Variants in DIAPH3 observed in about 807,000 individuals in gnomAD.
DIAPH3 encodes the protein diaphanous related formin 3, also known as protein diaphanous homolog 3.
A neutral mutation model predicts 144.3 loss-of-function variants in DIAPH3; 117 were observed. The observed-to-expected ratio is 0.81, with a 90% CI of 0.70 to 0.95. The LOEUF (loss-of-function observed/expected upper bound fraction) is 0.95. Ranked by LOEUF, DIAPH3 falls within the 40% of genes least tolerant of loss-of-function variation. The pLI is 0.00. For missense variants in DIAPH3, 1,421 were observed against 1,412.7 expected, an observed-to-expected ratio of 1.01 and a Z score of -0.09; for synonymous variants, 519 against 488.9, an observed-to-expected ratio of 1.06 and a Z score of -0.81.
chr13:59,950,060 G>C (rs899239801), intron 17 of DIAPH3, among the ~76,000 whole-genome samples: 7 of 152,106 alleles, frequency 4.6e-5, no homozygotes, highest in African/African-American at 1.2e-4. Context: ...ACAGAGCTGT[G>C]TGATACTAAG....
intron 20 of DIAPH3, among the ~76,000 whole-genome samples, chr13:59,903,327 G>C (rs1028705858): frequency 5.3e-5 from 8 of 152,152 alleles, no homozygotes; most frequent in African/African-American, 1.9e-4. Context: ...TGTTGGTTTG[G>C]TGGAGATATC....
At chr13:59,866,457 C>CA (rs2043930303) in intron 21 of DIAPH3, among the ~76,000 whole-genome samples, 1 of 151,890 alleles carries the variant, frequency 6.6e-6, no homozygotes, top group Non-Finnish European at 1.5e-5. Context: ...AGTAAAACAA[C>CA]AAAAGAGCAC....
chr13:59,872,126 C>A (rs915236329), intron 21 of DIAPH3, among the ~76,000 whole-genome samples: 3 of 152,046 alleles, frequency 2.0e-5, no homozygotes, highest in African/African-American at 7.2e-5. Context: ...CTCCAGAGTC[C>A]ATTTGCTCTT....
chr13:60,012,538 G>A (rs926427215), intron 7 of DIAPH3, among the ~76,000 whole-genome samples: 1 of 152,196 alleles, frequency 6.6e-6, no homozygotes, highest in Admixed American at 6.5e-5. Flanking sequence ...AATTCAGAAA[G>A]TCAGTCAATG....
chr13:59,973,103 T>C (rs906231308), intron 15 of DIAPH3, among the ~76,000 whole-genome samples: 1 of 152,150 alleles, frequency 6.6e-6, no homozygotes, highest in African/African-American at 2.4e-5. Context: ...TGTATACAAT[T>C]TAAAACAATT....
intron 2 of DIAPH3, among the ~76,000 whole-genome samples, chr13:60,119,471 G>A (rs1441398232): frequency 6.6e-6 from 1 of 152,102 alleles, no homozygotes; most frequent in East Asian, 1.9e-4. Context: ...ATCTTGGCCG[G>A]GCGCGGTGGC....
intron 17 of DIAPH3, among the ~76,000 whole-genome samples, chr13:59,943,206 G>A (rs1282444528): frequency 3.9e-5 from 6 of 152,098 alleles, no homozygotes; most frequent in African/African-American, 9.7e-5. Flanking sequence ...TAATGTCAAC[G>A]AAGATCAGCA....
intron 18 of DIAPH3, among the ~76,000 whole-genome samples, chr13:59,923,600 C>A (rs771840675): frequency 2.6e-5 from 4 of 152,126 alleles, no homozygotes; most frequent in Non-Finnish European, 5.9e-5. Flanking sequence ...GGGGGAGCTT[C>A]TTCAACCACC....
intron 17 of DIAPH3, 27 bp from the exon 18 acceptor site, chr13:59,924,897 A>G (rs1267434001): frequency 6.3e-7 from 1 of 1,588,870 alleles, no homozygotes; most frequent in East Asian, 2.3e-5. Flanking sequence ...GATCCATGTT[A>G]GGGGCAGCAA....
intron 9 of DIAPH3, among the ~76,000 whole-genome samples, chr13:59,996,537 A>G (rs1169779216): frequency 2.0e-5 from 3 of 152,158 alleles, no homozygotes; most frequent in South Asian, 4.1e-4. Flanking sequence ...TTAGGGCAGC[A>G]GTAAACTAAA....
intron 1 of DIAPH3, among the ~76,000 whole-genome samples, chr13:60,138,589 T>C (rs2059348588): frequency 6.6e-6 from 1 of 152,206 alleles, no homozygotes; most frequent in Non-Finnish European, 1.5e-5. Context: ...GTATGATGAA[T>C]TACCAATTGC....
At chr13:60,014,466 G>T (rs886415848) in intron 7 of DIAPH3, among the ~76,000 whole-genome samples, 14 of 151,940 alleles carry the variant, frequency 9.2e-5, no homozygotes, top group African/African-American at 3.4e-4. Flanking sequence ...AGGAGGCAAG[G>T]AAGAAAAAAT....
chr13:59,708,474 T>C (rs1017070094), intron 27 of DIAPH3, among the ~76,000 whole-genome samples: 1 of 152,160 alleles, frequency 6.6e-6, no homozygotes, highest in African/African-American at 2.4e-5. Context: ...AATCCAATGG[T>C]CGTTTTACAA....
chr13:60,117,115 A>T (rs1252145547), intron 2 of DIAPH3, among the ~76,000 whole-genome samples: 1 of 152,088 alleles, frequency 6.6e-6, no homozygotes, highest in Admixed American at 6.5e-5. Context: ...TCAATAACAT[A>T]ATTTGTAAAA....
At chr13:59,896,182 A>T (rs991278114) in intron 20 of DIAPH3, among the ~76,000 whole-genome samples, 1 of 152,188 alleles carries the variant, frequency 6.6e-6, no homozygotes, top group African/African-American at 2.4e-5. Flanking sequence ...TCTATTCTAT[A>T]TGAGTTTCTG....
chr13:59,690,528 G>A (rs535936048), intron 27 of DIAPH3, among the ~76,000 whole-genome samples: 118 of 152,182 alleles, frequency 7.8e-4, no homozygotes, highest in Middle Eastern at 6.8e-3. Flanking sequence ...TAACAGTGTT[G>A]TTTTCTGCTA....
intron 22 of DIAPH3, among the ~76,000 whole-genome samples, chr13:59,860,112 A>G (rs1402550387): frequency 6.6e-6 from 1 of 152,180 alleles, no homozygotes; most frequent in Non-Finnish European, 1.5e-5. Flanking sequence ...ATCTCATCCA[A>G]TCACATGCTT....
chr13:60,121,781 A>T (rs987780448), intron 2 of DIAPH3, among the ~76,000 whole-genome samples: 1 of 152,192 alleles, frequency 6.6e-6, no homozygotes, highest in African/African-American at 2.4e-5. Context: ...TACTGATGAT[A>T]TGAATTGATT....
At chr13:59,809,231 G>A (rs1243247713) in intron 25 of DIAPH3, among the ~76,000 whole-genome samples, 1 of 152,190 alleles carries the variant, frequency 6.6e-6, no homozygotes, top group African/African-American at 2.4e-5. Context: ...GCTGGGAGCA[G>A]TGGCTCACGC....
Sources: allele counts gnomAD v4.1 joint callset (sites outside exome capture counted in the v4.1 genomes callset), GRCh38; gene constraint gnomAD v4.1.1; transcripts MANE v1.5; gene names NCBI Gene and HGNC (gene_info 2026-07-23, HGNC 2026-07-21).